ADAMTS17: variants seen among roughly 807,000 people sequenced by gnomAD.
ADAMTS17 encodes A disintegrin and metalloproteinase with thrombospondin motifs 17.
A neutral mutation model predicts 141.5 loss-of-function variants in ADAMTS17; 113 were observed. The observed-to-expected ratio is 0.80, with a 90% CI of 0.69 to 0.93. The LOEUF (loss-of-function observed/expected upper bound fraction) is 0.93, where lower values mean the gene tolerates loss of function less well. Ranked by LOEUF, ADAMTS17 falls within the 40% of genes least tolerant of loss-of-function variation. The pLI is 0.00. For missense variants in ADAMTS17, 1,659 were observed against 1,517.9 expected (o/e 1.09, Z -1.54); for synonymous variants, 768 against 630.6 (o/e 1.22, Z -3.27).
At chr15:100,247,648 CCTAA>C (rs1194404044) in intron 7 of ADAMTS17, among the ~76,000 whole-genome samples, 2 of 152,148 alleles carry the variant, frequency 1.3e-5, no homozygotes, top group African/African-American at 4.8e-5. Flanking sequence ...TTCTTTCTTA[CCTAA>C]CTGATGACAT....
At chr15:100,035,250 T>C (rs1381051279) in intron 18 of ADAMTS17, among the ~76,000 whole-genome samples, 2 of 152,220 alleles carry the variant, frequency 1.3e-5, no homozygotes, top group African/African-American at 4.8e-5. Flanking sequence ...TGTTTATGAA[T>C]CCAGCCTATG....
intron 10 of ADAMTS17, among the ~76,000 whole-genome samples, chr15:100,140,584 TCACCAAG>T (rs2038594029): frequency 1.3e-5 from 2 of 150,998 alleles, no homozygotes; most frequent in African/African-American, 4.9e-5. Flanking sequence ...AGCTAAGCAG[TCACCAAG>T]TCCAGACATC....
intron 3 of ADAMTS17, among the ~76,000 whole-genome samples, chr15:100,326,015 T>C (rs928801919): frequency 6.6e-6 from 1 of 152,138 alleles, no homozygotes; most frequent in African/African-American, 2.4e-5. Flanking sequence ...GTTAAGCCCC[T>C]GGGTCTGTGC....
intron 4 of ADAMTS17, among the ~76,000 whole-genome samples, chr15:100,264,067 A>G (rs1318354722): frequency 6.6e-6 from 1 of 152,230 alleles, no homozygotes; most frequent in African/African-American, 2.4e-5. Context: ...AAAAAAACCT[A>G]TCTTTGTGTG....
chr15:100,152,121 G>A (rs2039195429), intron 10 of ADAMTS17, among the ~76,000 whole-genome samples: 1 of 152,012 alleles, frequency 6.6e-6, no homozygotes, highest in Non-Finnish European at 1.5e-5. Flanking sequence ...TGTTTAATGG[G>A]GTTATTATCA....
chr15:100,009,662 C>T (rs28711839), intron 18 of ADAMTS17, among the ~76,000 whole-genome samples: 19,320 of 152,212 alleles, frequency 0.13, 3,823 homozygotes, highest in African/African-American at 0.42. Context: ...CTGTTGTGCC[C>T]GTTACTCTCC....
intron 7 of ADAMTS17, among the ~76,000 whole-genome samples, chr15:100,216,957 C>T (rs1179276929): frequency 6.6e-6 from 1 of 152,172 alleles, no homozygotes; most frequent in Non-Finnish European, 1.5e-5. Context: ...CTCTAGACTT[C>T]CCATGTATTT....
intron 7 of ADAMTS17, among the ~76,000 whole-genome samples, chr15:100,211,317 A>G (rs1310827669): frequency 6.6e-6 from 1 of 150,444 alleles, no homozygotes; most frequent in Non-Finnish European, 1.5e-5. Flanking sequence ...AAAAAAAAAA[A>G]AAAGTTAGAA....
At chr15:100,264,397 A>T (rs986419899) in intron 4 of ADAMTS17, among the ~76,000 whole-genome samples, 1 of 152,230 alleles carries the variant, frequency 6.6e-6, no homozygotes, top group Non-Finnish European at 1.5e-5. Context: ...GAAAATTAGG[A>T]AGAATGAAAA....
At chr15:100,248,230 G>A (rs918830117) in intron 7 of ADAMTS17, among the ~76,000 whole-genome samples, 2 of 152,106 alleles carry the variant, frequency 1.3e-5, no homozygotes, top group African/African-American at 4.8e-5. Context: ...AAAATAGTAG[G>A]AGACCAAGCA....
intron 8 of ADAMTS17, among the ~76,000 whole-genome samples, chr15:100,180,136 A>G (rs1236476920): frequency 6.6e-6 from 1 of 152,048 alleles, no homozygotes; most frequent in Non-Finnish European, 1.5e-5. Flanking sequence ...CCACTGTTTT[A>G]TCAGTTTCAT....
At chr15:100,132,499 G>A (rs2038103828) in intron 11 of ADAMTS17, among the ~76,000 whole-genome samples, 1 of 152,194 alleles carries the variant, frequency 6.6e-6, no homozygotes, top group Non-Finnish European at 1.5e-5. Flanking sequence ...CTGGGAGGCG[G>A]CATGCCCCGG....
chr15:100,069,996 T>C (rs7166394), intron 15 of ADAMTS17, among the ~76,000 whole-genome samples: 6,539 of 149,830 alleles, frequency 0.044, 794 homozygotes, highest in African/African-American at 0.15. Context: ...ATTCAGGAAA[T>C]CCATCTCATG....
rs72755252 is a variant in ADAMTS17 at position 100,205,196 on chromosome 15, C to A, written c.1076-5773G>T. Reference sequence around the variant, plus strand: ...TGCTGTCTCTGGTAAGAGAATCACACGAGTCCCCACAGATGACTCGAGGGT... The same window carrying A: ...TGCTGTCTCTGGTAAGAGAATCACAAGAGTCCCCACAGATGACTCGAGGGT... On this transcript the variant is annotated intron_variant, in intron 7 of 21. Transcript: ENST00000268070. 1.3e-3 allele frequency among the ~76,000 whole-genome samples: 203 copies of A among 152,200 alleles called. 10 individuals carry two copies. In the East Asian group the frequency reaches 0.032, roughly 24 times the overall value.
chr15:100,030,773 T>C (rs1230170887), intron 18 of ADAMTS17, among the ~76,000 whole-genome samples: 1 of 152,252 alleles, frequency 6.6e-6, no homozygotes, highest in African/African-American at 2.4e-5. Context: ...AATGTTAGTA[T>C]ACTCTGGGAC....
intron 10 of ADAMTS17, among the ~76,000 whole-genome samples, chr15:100,146,170 T>C (rs1303191260): frequency 2.0e-5 from 3 of 152,046 alleles, no homozygotes; most frequent in Non-Finnish European, 4.4e-5. Context: ...TGAAACTCCA[T>C]CTCCAAAAAA....
chr15:100,072,892 C>G (rs183867244), intron 15 of ADAMTS17, among the ~76,000 whole-genome samples: 1 of 152,070 alleles, frequency 6.6e-6, no homozygotes, highest in Non-Finnish European at 1.5e-5. Context: ...GCAACAAAAG[C>G]CAAAATTGAC....
intron 18 of ADAMTS17, among the ~76,000 whole-genome samples, chr15:100,003,845 G>A (rs994992621): frequency 4.0e-5 from 6 of 151,344 alleles, no homozygotes; most frequent in African/African-American, 4.9e-5. Flanking sequence ...GTAGAATGAT[G>A]GTTGCCAGGA....
chr15:100,008,087 G>C lies in ADAMTS17; in HGVS notation c.2592-10498C>G, dbSNP rs1003200608. 9.3e-5 allele frequency among the ~76,000 whole-genome samples: 12 copies of C among 129,702 alleles called. No homozygotes were observed. In the East Asian group the frequency reaches 1.3e-3, roughly 14 times the overall value. 85.1% of individuals were successfully genotyped at this position (129,702 alleles called of 152,430 possible). On this transcript the variant is annotated intron_variant, in intron 18 of 21. Coordinates refer to ENST00000268070, the MANE Select transcript of ADAMTS17 (RefSeq NM_139057.4). ...GGCTGCTGGCCCAGAAGAGGCCTCA[G>C]GGGGAAGCAGGGATGGATGGGTGAA...
Sources: allele counts gnomAD v4.1 joint callset (sites outside exome capture counted in the v4.1 genomes callset), GRCh38; gene constraint gnomAD v4.1.1; transcripts MANE v1.5; gene names NCBI Gene and HGNC (gene_info 2026-07-23, HGNC 2026-07-21).